The following MELK variants were observed in gnomAD, a reference collection of about 807,000 sequenced individuals.
MELK encodes the protein pEg3 kinase.
MELK carries 81 observed loss-of-function variants against 85.0 expected under a neutral mutation model. The ratio of observed to expected loss-of-function variants is 0.95; its 90% CI spans 0.80 to 1.15. The LOEUF (loss-of-function observed/expected upper bound fraction) is 1.15, where lower values mean the gene tolerates loss of function less well. Ranked by LOEUF, MELK falls within the 50% of genes most tolerant of loss-of-function variation. The pLI, the probability that MELK is intolerant of heterozygous loss-of-function variation, is 0.00. For missense variants in MELK, 754 were observed against 777.5 expected (o/e 0.97, Z 0.36); for synonymous variants, 252 against 265.0 (o/e 0.95, Z 0.48).
At chr9:36,664,448 GTTCCTGGGGCACA>G (rs1832145383) in intron 13 of MELK, among the ~76,000 whole-genome samples, 1 of 152,144 alleles carries the variant, frequency 6.6e-6, no homozygotes, top group African/African-American at 2.4e-5. Context: ...CTTCTACCAG[GTTCCTGGGGCACA>G]ACTTAGCATA....
intron 7 of MELK, among the ~76,000 whole-genome samples, chr9:36,603,864 T>A (rs1825173598): frequency 6.6e-6 from 1 of 152,220 alleles, no homozygotes. Context: ...CTTTCTTTTT[T>A]CTAATAAGTG....
chr9:36,663,101 A>G (rs1014870809), intron 13 of MELK, among the ~76,000 whole-genome samples: 1 of 148,466 alleles, frequency 6.7e-6, no homozygotes, highest in African/African-American at 2.5e-5. Context: ...TCTTTTTGAG[A>G]CAGAGTTTCT....
chr9:36,661,419 A>G (rs1393920694), intron 13 of MELK, among the ~76,000 whole-genome samples: 10 of 152,200 alleles, frequency 6.6e-5, no homozygotes, highest in Non-Finnish European at 1.5e-5. Flanking sequence ...TTTTCAGTGG[A>G]TGTAAAATAA....
chr9:36,573,662 C>T (rs1489833999), intron 1 of MELK, among the ~76,000 whole-genome samples: 2 of 152,178 alleles, frequency 1.3e-5, no homozygotes, highest in Admixed American at 6.5e-5. Context: ...TCCGCCACCA[C>T]GCCCGGCTCA....
chr9:36,627,486 A>G (rs1234292315), intron 8 of MELK, among the ~76,000 whole-genome samples: 2 of 150,618 alleles, frequency 1.3e-5, no homozygotes, highest in Admixed American at 6.6e-5. Context: ...TATCGAAAGC[A>G]CTCAGTATTA....
chr9:36,641,602 AT>A (rs59380521), intron 10 of MELK, among the ~76,000 whole-genome samples: 4,446 of 126,646 alleles, frequency 0.035, 167 homozygotes, highest in East Asian at 0.12. Context: ...ATAAAGAGAG[AT>A]TTTTTTTTTT....
chr9:36,643,056 G>A lies in MELK; in HGVS notation c.894G>A (p.Arg298=). Residue 298 remains arginine, a synonymous_variant, in exon 11 of 18, where the codon AGG becomes AGA. Transcript: ENST00000298048. ...TTTCTGTACATCACAGAAACAACAG[G>A]CAAACAATGGAGGATTTAATTTCAC... ...TELSVHHRNN[R]QTMEDLISLW... is the part of the protein sequence containing the mutation. 1 of 1,612,700 alleles carries A rather than the reference G, an allele frequency of 6.2e-7. No individual in the cohort carries two copies. The highest frequency in any genetic ancestry group is 8.5e-7 in the Non-Finnish European group (1 of 1,179,426).
intron 2 of MELK, among the ~76,000 whole-genome samples, chr9:36,582,083 T>A (rs2135006744): frequency 6.6e-6 from 1 of 152,206 alleles, no homozygotes; most frequent in East Asian, 1.9e-4. Context: ...GCCATTCTCC[T>A]GCCTCAGCCT....
At chr9:36,671,662 A>G (rs2138130900) in intron 16 of MELK, among the ~76,000 whole-genome samples, 1 of 152,216 alleles carries the variant, frequency 6.6e-6, no homozygotes, top group South Asian at 2.1e-4. Flanking sequence ...TGTGGATCTT[A>G]TTTAATAGAC....
At chr9:36,595,633 TCTCA>T (rs1824144501) in intron 5 of MELK, among the ~76,000 whole-genome samples, 2 of 144,606 alleles carry the variant, frequency 1.4e-5, no homozygotes, top group African/African-American at 5.1e-5. Flanking sequence ...TTAAGCAAGA[TCTCA>T]CTCTGTCACC....
At chr9:36,609,084 A>G (rs928130556) in intron 8 of MELK, among the ~76,000 whole-genome samples, 5 of 152,164 alleles carry the variant, frequency 3.3e-5, no homozygotes, top group Non-Finnish European at 7.3e-5. Flanking sequence ...TTAAAATCCT[A>G]TATATCAGAG....
chr9:36,619,448 A>T (rs1280378262), intron 8 of MELK, among the ~76,000 whole-genome samples: 1 of 152,184 alleles, frequency 6.6e-6, no homozygotes, highest in African/African-American at 2.4e-5. Flanking sequence ...TTCTGTAAAC[A>T]TTGAGCCTTC....
intron 8 of MELK, among the ~76,000 whole-genome samples, chr9:36,617,446 C>G (rs1298527484): frequency 6.6e-6 from 1 of 151,974 alleles, no homozygotes. Context: ...GATCCTCCAG[C>G]CTCAGCCTCC....
chr9:36,651,326 C>A (rs1217541584), intron 11 of MELK, among the ~76,000 whole-genome samples: 1 of 152,070 alleles, frequency 6.6e-6, no homozygotes, highest in Non-Finnish European at 1.5e-5. Context: ...CATAATAATG[C>A]AAATATTAAC....
intron 12 of MELK, among the ~76,000 whole-genome samples, chr9:36,652,536 CCTGG>C (rs1830812509): frequency 6.6e-6 from 1 of 151,000 alleles, no homozygotes; most frequent in Admixed American, 6.6e-5. Context: ...TTGACACCAG[CCTGG>C]CCAATATGGT....
intron 8 of MELK, among the ~76,000 whole-genome samples, chr9:36,616,709 GGCAATCATT>G (rs891469740): frequency 6.6e-6 from 1 of 151,872 alleles, no homozygotes; most frequent in Non-Finnish European, 1.5e-5. Context: ...TTTTCTTAGA[GGCAATCATT>G]GCTATCACGT....
chr9:36,659,268 A>G (rs1160393491), intron 13 of MELK, among the ~76,000 whole-genome samples: 1 of 151,850 alleles, frequency 6.6e-6, no homozygotes, highest in Non-Finnish European at 1.5e-5. Flanking sequence ...TGCCTGCCTT[A>G]GCCTCCCAAA....
At position 36,630,405 on chromosome 9, in the gene MELK, T is replaced by TTG. The variant is rs758655916; in HGVS notation, c.735+40_735+41dup. 103 of 1,522,956 alleles carry TTG rather than the reference T, an allele frequency of 6.8e-5. 1 individual carries two copies. The South Asian group carries it at 1.1e-3, about 17-fold the overall frequency. 94.3% of individuals were successfully genotyped at this position (1,522,956 alleles called of 1,614,324 possible). On this transcript the variant is annotated intron_variant, in intron 9 of 17. Coordinates refer to ENST00000298048, the MANE Select transcript of MELK (RefSeq NM_014791.4). Reference sequence around the variant, plus strand: ...TTTAAATAATAGAAGTCTATTGTAATTGTTTGGTTCAACTTTTAAGATATC... The same window carrying TTG: ...TTTAAATAATAGAAGTCTATTGTAATTGTGTTTGGTTCAACTTTTAAGATATC...
At chr9:36,641,602 ATTTTTTTT>A (rs59380521) in intron 10 of MELK, among the ~76,000 whole-genome samples, 15 of 126,762 alleles carry the variant, frequency 1.2e-4, no homozygotes, top group South Asian at 5.0e-4. Context: ...ATAAAGAGAG[ATTTTTTTT>A]TTTTTTTTTT....
Sources: allele counts gnomAD v4.1 joint callset (sites outside exome capture counted in the v4.1 genomes callset), GRCh38; gene constraint gnomAD v4.1.1; transcripts MANE v1.5; gene names NCBI Gene and HGNC (gene_info 2026-07-23, HGNC 2026-07-21).